SKAP1: variants seen among roughly 807,000 people sequenced by gnomAD.
The protein encoded by SKAP1 is src kinase associated phosphoprotein 1, also known as src kinase-associated phosphoprotein 1.
SKAP1 carries 44 observed loss-of-function variants against 58.5 expected under a neutral mutation model. The ratio of observed to expected loss-of-function variants is 0.75; its 90% CI spans 0.59 to 0.97. SKAP1 has a LOEUF of 0.97. Among genes scored for constraint, SKAP1 ranks in the 50% least tolerant of loss-of-function variants. The pLI, the probability that SKAP1 is intolerant of heterozygous loss-of-function variation, is 0.00. For missense variants in SKAP1, 390 were observed against 435.2 expected (o/e 0.90, Z 0.92); for synonymous variants, 127 against 149.7 (o/e 0.85, Z 1.11).
intron 4 of SKAP1, among the ~76,000 whole-genome samples, chr17:48,297,086 C>T (rs953761326): frequency 1.3e-5 from 2 of 152,064 alleles, no homozygotes; most frequent in African/African-American, 4.8e-5. Context: ...TAGGCCTTAC[C>T]CTGTTGTTGA....
intron 4 of SKAP1, among the ~76,000 whole-genome samples, chr17:48,261,105 A>G (rs2065479512): frequency 1.3e-5 from 2 of 152,184 alleles, no homozygotes; most frequent in African/African-American, 4.8e-5. Context: ...TTTGGATCTG[A>G]ACGACCCCTA....
intron 4 of SKAP1, among the ~76,000 whole-genome samples, chr17:48,281,489 T>C (rs941237486): frequency 1.3e-5 from 2 of 152,230 alleles, no homozygotes; most frequent in African/African-American, 4.8e-5. Flanking sequence ...ATGCTGCTCA[T>C]TTAGGCTGGC....
intron 4 of SKAP1, among the ~76,000 whole-genome samples, chr17:48,212,253 A>C (rs1209698006): frequency 1.3e-5 from 2 of 152,138 alleles, no homozygotes; most frequent in African/African-American, 4.8e-5. Context: ...GAATTTGTTC[A>C]AAGTAGTTAT....
At chr17:48,334,671 GTTAAATCTCAA>G (rs1460528664) in intron 4 of SKAP1, among the ~76,000 whole-genome samples, 2 of 151,500 alleles carry the variant, frequency 1.3e-5, no homozygotes, top group African/African-American at 4.8e-5. Flanking sequence ...CCTGATTATA[GTTAAATCTCAA>G]AAATGTTATA....
intron 4 of SKAP1, among the ~76,000 whole-genome samples, chr17:48,219,610 G>A (rs1189709967): frequency 1.3e-5 from 2 of 152,170 alleles, no homozygotes; most frequent in African/African-American, 2.4e-5. Context: ...ATACTTTTGT[G>A]TGTTGGTACC....
At chr17:48,150,704 C>A (rs116888831) in intron 11 of SKAP1, among the ~76,000 whole-genome samples, 1 of 152,048 alleles carries the variant, frequency 6.6e-6, no homozygotes, top group Non-Finnish European at 1.5e-5. Context: ...AGATGCTATG[C>A]GCTTATGAAA....
intron 4 of SKAP1, among the ~76,000 whole-genome samples, chr17:48,281,992 T>TA (rs2065771899): frequency 2.0e-5 from 3 of 152,096 alleles, no homozygotes; most frequent in Admixed American, 1.3e-4. Flanking sequence ...ATTCTACAGT[T>TA]AAAAAAATCA....
intron 11 of SKAP1, among the ~76,000 whole-genome samples, chr17:48,157,179 T>G (rs1416969087): frequency 6.6e-6 from 1 of 152,004 alleles, no homozygotes; most frequent in African/African-American, 2.4e-5. Context: ...TTACAGGCAC[T>G]TACTTGCTTC....
intron 4 of SKAP1, among the ~76,000 whole-genome samples, chr17:48,196,499 C>T (rs1389166923): frequency 6.6e-6 from 1 of 152,110 alleles, no homozygotes; most frequent in Non-Finnish European, 1.5e-5. Flanking sequence ...AATAATCTGT[C>T]ATCCAGGTAG....
chr17:48,413,332 T>C (rs1207149313), intron 1 of SKAP1, among the ~76,000 whole-genome samples: 1 of 150,762 alleles, frequency 6.6e-6, no homozygotes, highest in Non-Finnish European at 1.5e-5. Flanking sequence ...CTGACCAACA[T>C]GGAGAAACCC....
chr17:48,233,925 T>A (rs937927701), intron 4 of SKAP1, among the ~76,000 whole-genome samples: 1 of 152,160 alleles, frequency 6.6e-6, no homozygotes, highest in African/African-American at 2.4e-5. Context: ...GCATCCCCCA[T>A]GCTTATATGA....
intron 2 of SKAP1, among the ~76,000 whole-genome samples, chr17:48,366,875 CTT>C (rs2067010408): frequency 6.6e-6 from 1 of 152,192 alleles, no homozygotes. Flanking sequence ...CACTCTCTCT[CTT>C]CTTTCCAAAA....
At chr17:48,312,911 G>A (rs1189892957) in intron 4 of SKAP1, among the ~76,000 whole-genome samples, 1 of 152,176 alleles carries the variant, frequency 6.6e-6, no homozygotes, top group African/African-American at 2.4e-5. Context: ...GGTGTCTTCT[G>A]TGTGATCAGT....
At chr17:48,185,460 A>C (rs2064436456) in intron 6 of SKAP1, among the ~76,000 whole-genome samples, 1 of 152,170 alleles carries the variant, frequency 6.6e-6, no homozygotes, top group African/African-American at 2.4e-5. Context: ...GAGGAAGGAG[A>C]TAAAAGGAAA....
At chr17:48,155,708 T>C (rs1382978472) in intron 11 of SKAP1, among the ~76,000 whole-genome samples, 1 of 151,922 alleles carries the variant, frequency 6.6e-6, no homozygotes, top group Non-Finnish European at 1.5e-5. Context: ...AATACAAAAA[T>C]TAGCTGGGTG....
At chr17:48,230,488 C>T (rs2065114212) in intron 4 of SKAP1, among the ~76,000 whole-genome samples, 1 of 152,212 alleles carries the variant, frequency 6.6e-6, no homozygotes, top group South Asian at 2.1e-4. Flanking sequence ...GTTGCAGTGG[C>T]TCACACTTGT....
At chr17:48,304,876 T>C (rs35625427) in intron 4 of SKAP1, among the ~76,000 whole-genome samples, 4,430 of 152,246 alleles carry the variant, frequency 0.029, 243 homozygotes, top group African/African-American at 0.1. Context: ...CCAATATCTG[T>C]TATCTTTTGT....
Position 48,268,946 on chromosome 17 carries a change from C to T in SKAP1, c.280+76959G>A, listed in dbSNP as rs117673946. Among the ~76,000 whole-genome samples, 11 of 152,122 alleles carry T rather than the reference C, an allele frequency of 7.2e-5. No individual in the cohort carries two copies. In the East Asian group the frequency reaches 1.4e-3, roughly 19 times the overall value. On this transcript the variant is annotated intron_variant, in intron 4 of 12. Transcript: ENST00000336915. ...AGAGAAAAGTCATGACTGACACTAACGATACTTAAAACATTCTAGAGCTAC... is the reference window on the plus strand; with the variant it reads ...AGAGAAAAGTCATGACTGACACTAATGATACTTAAAACATTCTAGAGCTAC...
chr17:48,444,604 T>C, the SKAP1 span, among the ~76,000 whole-genome samples: 5 of 152,184 alleles, frequency 3.3e-5, no homozygotes, highest in Non-Finnish European at 7.3e-5. Context: ...TCTCTAAAAC[T>C]AAAGCTGTGG....
Sources: gnomAD v4.1 joint callset for allele counts (sites outside exome capture counted in the v4.1 genomes callset) on GRCh38, gnomAD v4.1.1 for gene constraint, MANE v1.5 for transcripts, NCBI Gene and HGNC (gene_info 2026-07-23, HGNC 2026-07-21) for gene names.